CENPP: variants seen among roughly 807,000 people sequenced by gnomAD.
The protein encoded by CENPP is centromere protein P.
Under a neutral mutation model 35.6 loss-of-function variants are expected in CENPP, and 24 were observed. The observed-to-expected ratio is 0.67, with a 90% CI of 0.49 to 0.95. CENPP has a LOEUF of 0.95. Among genes scored for constraint, CENPP ranks in the 40% least tolerant of loss-of-function variants. The pLI, the probability that CENPP is intolerant of heterozygous loss-of-function variation, is 0.00. For missense variants in CENPP, 332 were observed against 345.3 expected (o/e 0.96, Z 0.31); for synonymous variants, 120 against 125.5 (o/e 0.96, Z 0.29).
intron 3 of CENPP, among the ~76,000 whole-genome samples, chr9:92,344,917 C>T (rs895212666): frequency 5.5e-4 from 82 of 150,190 alleles, no homozygotes; most frequent in Middle Eastern, 3.5e-3. Context: ...GCCTGTAATC[C>T]CAGCACTTCA....
chr9:92,474,783 C>CATA (rs1345729123), intron 5 of CENPP: 1 of 1,606,776 alleles, frequency 6.2e-7, no homozygotes, highest in South Asian at 1.1e-5. Flanking sequence ...TCATCATCAT[C>CATA]ATCTGTGTCT....
At chr9:92,344,565 T>G (rs558252403) in intron 3 of CENPP, among the ~76,000 whole-genome samples, 1 of 152,200 alleles carries the variant, frequency 6.6e-6, no homozygotes, top group South Asian at 2.1e-4. Context: ...TTATTCTTTT[T>G]GAGACTGAGT....
intron 5 of CENPP, among the ~76,000 whole-genome samples, chr9:92,429,523 A>T (rs1166207388): frequency 6.6e-6 from 1 of 152,046 alleles, no homozygotes; most frequent in Non-Finnish European, 1.5e-5. Context: ...GCAGTGGCTC[A>T]CTCCTGTAAT....
intron 5 of CENPP, among the ~76,000 whole-genome samples, chr9:92,415,766 A>G (rs895612907): frequency 3.4e-5 from 5 of 148,508 alleles, no homozygotes; most frequent in African/African-American, 4.9e-5. Flanking sequence ...TAGGATACTC[A>G]TATTTCTTCA....
Position 92,619,670 on chromosome 9 carries a change from G to T in CENPP, c.*6521G>T. ...AGTGTGGGAACTGCTTCCTGCCTCA[G>T]AACCTGAGGGTGGGATTAGGAGCGA... is the stretch of plus-strand genomic sequence containing the variant. On this transcript the variant is annotated 3_prime_UTR_variant, in exon 8 of 8. Transcript: ENST00000375587. 1 of 1,035,660 alleles carries T rather than the reference G, an allele frequency of 9.7e-7. No individual in the cohort carries two copies. Among genetic ancestry groups the T allele is most frequent in the Non-Finnish European group, 1.5e-6 (1 of 688,726 alleles). The allele number at this position is 1,035,660 out of a possible 1,614,324, so 64.2% of individuals were successfully genotyped here.
intron 5 of CENPP, among the ~76,000 whole-genome samples, chr9:92,431,337 A>G (rs889745663): frequency 3.9e-5 from 6 of 152,152 alleles, no homozygotes; most frequent in African/African-American, 1.2e-4. Context: ...CGATTGATGC[A>G]CTGTTGGCAT....
chr9:92,336,702 C>G (rs983048325), intron 2 of CENPP, among the ~76,000 whole-genome samples: 4 of 152,034 alleles, frequency 2.6e-5, no homozygotes, highest in Non-Finnish European at 5.9e-5. Context: ...TATGAGGGAA[C>G]CTTATAGGTT....
rs1449631199 is a variant in CENPP at position 92,618,073 on chromosome 9, C to T, written c.*4924C>T. On this transcript the variant is annotated 3_prime_UTR_variant, in exon 8 of 8. Coordinates refer to ENST00000375587, the MANE Select transcript of CENPP (RefSeq NM_001012267.3). ...ATCCCAGCCTTAGTTTGTCCCTAGG[C>T]CTCTAGAGCACCACAGTTACTGGAA... The T allele has an allele frequency of 5.5e-6, 2 of 363,766 alleles. No homozygotes were observed. The highest frequency in any genetic ancestry group is 2.1e-5 in the African/African-American group (1 of 46,952). 22.5% of individuals were successfully genotyped at this position (363,766 alleles called of 1,614,324 possible).
chr9:92,460,467 C>A, intron 5 of CENPP: 1 of 1,563,402 alleles, frequency 6.4e-7, no homozygotes, highest in Non-Finnish European at 8.8e-7. Flanking sequence ...ATTTTGGGAA[C>A]GTTTACCTTT....
At chr9:92,581,970 C>A (rs1454756574) in intron 5 of CENPP, among the ~76,000 whole-genome samples, 1 of 152,088 alleles carries the variant, frequency 6.6e-6, no homozygotes, top group Non-Finnish European at 1.5e-5. Context: ...TCTAAGGTAA[C>A]CCCTTAACAA....
intron 3 of CENPP, among the ~76,000 whole-genome samples, chr9:92,344,431 A>C (rs10820970): frequency 0.25 from 38,017 of 152,064 alleles, 6,831 homozygotes; most frequent in African/African-American, 0.5. Context: ...TTGAGATATA[A>C]TTCACATACC....
At chr9:92,484,199 A>T (rs1332347652) in intron 5 of CENPP, among the ~76,000 whole-genome samples, 2 of 152,162 alleles carry the variant, frequency 1.3e-5, no homozygotes, top group Non-Finnish European at 2.9e-5. Flanking sequence ...AACATATCAT[A>T]ATGGTACAAC....
At chr9:92,436,465 C>T (rs76392722) in intron 5 of CENPP, among the ~76,000 whole-genome samples, 1,672 of 152,232 alleles carry the variant, frequency 0.011, 32 homozygotes, top group African/African-American at 0.038. Context: ...GGTGTCATAT[C>T]TAAGAACTCT....
intron 3 of CENPP, among the ~76,000 whole-genome samples, chr9:92,340,760 G>A (rs140773711): frequency 0.02 from 3,077 of 152,136 alleles, 110 homozygotes; most frequent in African/African-American, 0.07. Context: ...AATCCTGTCA[G>A]CTGAGGGGAT....
intron 5 of CENPP, among the ~76,000 whole-genome samples, chr9:92,590,813 G>A (rs1455023230): frequency 1.3e-5 from 2 of 152,146 alleles, no homozygotes; most frequent in Non-Finnish European, 2.9e-5. Context: ...GCTCACAAAC[G>A]TCAAAACAAA....
chr9:92,465,014 G>A, intron 5 of CENPP: 1 of 1,612,132 alleles, frequency 6.2e-7, no homozygotes, highest in South Asian at 1.1e-5. Flanking sequence ...ATTATCAAGA[G>A]GGTTTGCACT....
rs1219101064 is a variant in CENPP at position 92,593,071 on chromosome 9, C to T, written c.565-18243C>T. 1.3e-5 allele frequency among the ~76,000 whole-genome samples: 2 copies of T among 152,210 alleles called. No individual in the cohort carries two copies. Among genetic ancestry groups the T allele is most frequent in the African/African-American group, 2.4e-5 (1 of 41,450 alleles). On this transcript the variant is annotated intron_variant, in intron 5 of 7. Coordinates refer to ENST00000375587, the MANE Select transcript of CENPP (RefSeq NM_001012267.3). This position sits in a 1 kb window ranked among gnomAD's most constrained non-coding sequence, Gnocchi z 4.1. ...GGCCCCAGGGCTGGAGGCTTCTCTC[C>T]CACTGTGTGAGCCTCCCAGCAGCCC...
intron 5 of CENPP, among the ~76,000 whole-genome samples, chr9:92,553,481 G>C (rs978538439): frequency 6.6e-6 from 1 of 152,104 alleles, no homozygotes; most frequent in African/African-American, 2.4e-5. Flanking sequence ...CGTTGAATTT[G>C]TAGATTGCTT....
At chr9:92,531,664 C>G (rs1186948225) in intron 5 of CENPP, among the ~76,000 whole-genome samples, 1 of 152,118 alleles carries the variant, frequency 6.6e-6, no homozygotes, top group Non-Finnish European at 1.5e-5. Flanking sequence ...CCAGGCATTA[C>G]CAAATGTAAC....
Sources: gnomAD v4.1 joint callset for allele counts (sites outside exome capture counted in the v4.1 genomes callset) on GRCh38, gnomAD v4.1.1 for gene constraint, Gnocchi (gnomAD v3.1) non-coding constraint, MANE v1.5 for transcripts, NCBI Gene and HGNC (gene_info 2026-07-23, HGNC 2026-07-21) for gene names.